The following JAKMIP2 variants were observed in gnomAD, a reference collection of about 807,000 sequenced individuals.
The protein encoded by JAKMIP2 is janus kinase and microtubule-interacting protein 2.
JAKMIP2 carries 25 observed loss-of-function variants against 115.0 expected under a neutral mutation model. That is an observed-to-expected ratio of 0.22 (90% confidence interval 0.16 to 0.30). JAKMIP2 has a LOEUF of 0.30. JAKMIP2 is among the 10% of genes least tolerant of loss of function. The pLI is 1.00. For synonymous variants in JAKMIP2, 334 were observed against 343.6 expected (o/e 0.97, Z 0.31); for missense variants, 642 against 957.6 (o/e 0.67, Z 4.35).
At position 147,631,401 on chromosome 5, in the gene JAKMIP2, A is replaced by T; in HGVS notation, c.1875+12T>A. ...AATTTCTACAAACATAAAAAATGAA[A>T]TATCTGCCTACCTTAACACCTTCTT... On this transcript the variant is annotated intron_variant, in intron 14 of 21. Transcript: ENST00000616793. The T allele has an allele frequency of 6.6e-7, 1 of 1,521,122 alleles. No homozygotes were observed. Among genetic ancestry groups the T allele is most frequent in the Non-Finnish European group, 9.0e-7 (1 of 1,115,988 alleles). The allele number at this position is 1,521,122 out of a possible 1,614,324, so 94.2% of individuals were successfully genotyped here.
intron 1 of JAKMIP2, among the ~76,000 whole-genome samples, chr5:147,757,139 C>G (rs552480770): frequency 1.3e-5 from 2 of 152,012 alleles, no homozygotes; most frequent in East Asian, 3.9e-4. Context: ...TTTACATGGT[C>G]CATACAGTGA....
chr5:147,761,627 T>A (rs1754932321), intron 1 of JAKMIP2, among the ~76,000 whole-genome samples: 1 of 152,162 alleles, frequency 6.6e-6, no homozygotes, highest in South Asian at 2.1e-4. Context: ...GTTAGGTGAC[T>A]TTCTCAAGGT....
At chr5:147,676,071 C>T (rs1040263457) in intron 1 of JAKMIP2, among the ~76,000 whole-genome samples, 2 of 152,138 alleles carry the variant, frequency 1.3e-5, no homozygotes, top group African/African-American at 4.8e-5. Context: ...CGGTGGCTCA[C>T]GCCTGCAATC....
intron 20 of JAKMIP2, among the ~76,000 whole-genome samples, chr5:147,609,743 T>A (rs1428591860): frequency 6.6e-6 from 1 of 152,222 alleles, no homozygotes; most frequent in East Asian, 1.9e-4. Context: ...ATTGGGGAAG[T>A]TCTCCCGGAT....
chr5:147,730,496 G>A (rs912722948), intron 1 of JAKMIP2, among the ~76,000 whole-genome samples: 19 of 150,476 alleles, frequency 1.3e-4, no homozygotes, highest in East Asian at 3.9e-4. Flanking sequence ...TCGCTCTGTC[G>A]CCAGGCTGGA....
chr5:147,725,504 G>A (rs7716751), intron 1 of JAKMIP2, among the ~76,000 whole-genome samples: 3 of 152,070 alleles, frequency 2.0e-5, no homozygotes, highest in Non-Finnish European at 4.4e-5. Flanking sequence ...CATGTTCTTG[G>A]CAACCACGAA....
intron 1 of JAKMIP2, among the ~76,000 whole-genome samples, chr5:147,681,391 T>G (rs1251028239): frequency 6.6e-6 from 1 of 152,192 alleles, no homozygotes; most frequent in Non-Finnish European, 1.5e-5. Context: ...AACTCCCTGG[T>G]GAACTCCATC....
intron 17 of JAKMIP2, among the ~76,000 whole-genome samples, chr5:147,622,024 C>T (rs1005294270): frequency 3.3e-5 from 5 of 152,112 alleles, no homozygotes; most frequent in Non-Finnish European, 5.9e-5. Context: ...TGTGCCACCG[C>T]GCCCGGCTAA....
At chr5:147,653,163 A>G (rs2126755615) in intron 3 of JAKMIP2, among the ~76,000 whole-genome samples, 1 of 152,298 alleles carries the variant, frequency 6.6e-6, no homozygotes, top group East Asian at 1.9e-4. Context: ...TAATGCTGCA[A>G]TAAACATACG....
chr5:147,778,101 G>A (rs536112552), intron 1 of JAKMIP2, among the ~76,000 whole-genome samples: 2 of 151,608 alleles, frequency 1.3e-5, no homozygotes, highest in African/African-American at 2.4e-5. Flanking sequence ...TCCTAAACAC[G>A]GAAAAAAATG....
intron 19 of JAKMIP2, among the ~76,000 whole-genome samples, chr5:147,616,546 T>A (rs1271669790): frequency 6.6e-6 from 1 of 152,196 alleles, no homozygotes; most frequent in African/African-American, 2.4e-5. Flanking sequence ...AGTGTTTCCA[T>A]GACATAACTC....
In JAKMIP2 at chr5:147,590,545, C is replaced by T. The variant is rs1452371101; in HGVS notation, c.*1162G>A. On this transcript the variant is annotated 3_prime_UTR_variant, in exon 22 of 22. Coordinates refer to ENST00000616793, the MANE Select transcript of JAKMIP2 (RefSeq NM_001270941.2). Reference sequence around the variant, plus strand: ...CTCTAAACAAGAAGAGGTCAGAATGCTCTAGGCATGTGAGGATTCTTTAAA... The same window carrying T: ...CTCTAAACAAGAAGAGGTCAGAATGTTCTAGGCATGTGAGGATTCTTTAAA... 6.6e-6 allele frequency: 1 copy of T among 152,078 alleles called. No homozygotes were observed. Among genetic ancestry groups the T allele is most frequent in the East Asian group, 1.9e-4 (1 of 5,180 alleles). The allele number at this position is 152,078 out of a possible 1,614,324, so 9.4% of individuals were successfully genotyped here. A position where few individuals can be genotyped will look rare whatever the true frequency, so the allele number is the denominator to read the frequency against.
intron 1 of JAKMIP2, among the ~76,000 whole-genome samples, chr5:147,743,808 GTTC>G (rs1375563763): frequency 6.6e-6 from 1 of 152,060 alleles, no homozygotes; most frequent in Non-Finnish European, 1.5e-5. Context: ...TCTTAATGAT[GTTC>G]TTCTCCAAAA....
At position 147,585,975 on chromosome 5, in the gene JAKMIP2, G is replaced by GA. The variant is rs1754852618; in HGVS notation, c.*5731dup. ...CTTTCTGTTGCTCTTTCAAAAAAAA[G>GA]AAACATCAACCAACCAACCAAACAA... On this transcript the variant is annotated 3_prime_UTR_variant, in exon 22 of 22. Transcript: ENST00000616793. 3 of 150,056 alleles carry GA rather than the reference G, an allele frequency of 2.0e-5. No individual in the cohort carries two copies. The highest frequency in any genetic ancestry group is 3.0e-5 in the Non-Finnish European group (2 of 67,522). 9.3% of individuals were successfully genotyped at this position (150,056 alleles called of 1,614,324 possible).
At chr5:147,697,277 T>A (rs1410934128) in intron 1 of JAKMIP2, among the ~76,000 whole-genome samples, 1 of 152,040 alleles carries the variant, frequency 6.6e-6, no homozygotes, top group African/African-American at 2.4e-5. Flanking sequence ...AAACCCCTGA[T>A]AAACTCAGCA....
intron 10 of JAKMIP2, among the ~76,000 whole-genome samples, chr5:147,637,489 G>A (rs1561506754): frequency 7.4e-6 from 1 of 134,520 alleles, no homozygotes; most frequent in Non-Finnish European, 1.5e-5. Flanking sequence ...GCCCAGGCTG[G>A]AATGCAGTGG....
intron 1 of JAKMIP2, among the ~76,000 whole-genome samples, chr5:147,698,159 T>C (rs928840468): frequency 1.3e-5 from 2 of 152,296 alleles, no homozygotes; most frequent in South Asian, 4.1e-4. Context: ...ATTTGGAAAC[T>C]TTAGGGTTTA....
chr5:147,753,794 A>G (rs577147082), intron 1 of JAKMIP2, among the ~76,000 whole-genome samples: 3 of 149,998 alleles, frequency 2.0e-5, no homozygotes, highest in Admixed American at 6.7e-5. Flanking sequence ...CATTGTGCCT[A>G]TGTGCTCAGC....
At chr5:147,780,904 C>T (rs1204172121) in intron 1 of JAKMIP2, among the ~76,000 whole-genome samples, 1 of 152,036 alleles carries the variant, frequency 6.6e-6, no homozygotes, top group Admixed American at 6.6e-5. Flanking sequence ...CTATAATAGC[C>T]CATGTGGTAA....
Sources: allele counts gnomAD v4.1 joint callset (sites outside exome capture counted in the v4.1 genomes callset), GRCh38; gene constraint gnomAD v4.1.1; transcripts MANE v1.5; gene names NCBI Gene and HGNC (gene_info 2026-07-23, HGNC 2026-07-21).